SAMSN1: variants seen among roughly 807,000 people sequenced by gnomAD.
SAMSN1 encodes the protein SAM domain, SH3 domain and nuclear localization signals 1.
Under a neutral mutation model 42.0 loss-of-function variants are expected in SAMSN1, and 31 were observed. The observed-to-expected ratio is 0.74, with a 90% CI of 0.55 to 1.00. SAMSN1 has a LOEUF of 1.00. Among genes scored for constraint, SAMSN1 ranks in the 50% least tolerant of loss-of-function variants. SAMSN1 has a pLI of 0.00. For synonymous variants in SAMSN1, 178 were observed against 151.9 expected, an observed-to-expected ratio of 1.17 and a Z score of -1.26; for missense variants, 464 against 439.4, an observed-to-expected ratio of 1.06 and a Z score of -0.50.
chr21:14,593,388 C>T (rs1982150640), intron 7 of SAMSN1, among the ~76,000 whole-genome samples: 1 of 152,056 alleles, frequency 6.6e-6, no homozygotes, highest in South Asian at 2.1e-4. Flanking sequence ...TGCTATAATA[C>T]TTGTTGATGT....
intron 2 of SAMSN1, among the ~76,000 whole-genome samples, chr21:14,616,259 G>A (rs1381126645): frequency 5.3e-5 from 8 of 151,906 alleles, no homozygotes; most frequent in Admixed American, 3.9e-4. Context: ...GAGAAAGGTA[G>A]GATATTTCCT....
intron 6 of SAMSN1, among the ~76,000 whole-genome samples, chr21:14,599,860 T>C (rs1253149311): frequency 6.6e-6 from 1 of 152,202 alleles, no homozygotes; most frequent in African/African-American, 2.4e-5. Flanking sequence ...TATTTCTTTA[T>C]TTTGTTTTTA....
chr21:14,559,807 C>A (rs1980887635), intron 2 of SAMSN1, among the ~76,000 whole-genome samples: 1 of 152,080 alleles, frequency 6.6e-6, no homozygotes, highest in African/African-American at 2.4e-5. Flanking sequence ...AGCCTGGCCT[C>A]AAAATCCCTC....
At chr21:14,495,663 G>A (rs935486626) in intron 7 of SAMSN1, 1 of 152,040 alleles carries the variant, frequency 6.6e-6, no homozygotes, top group Non-Finnish European at 1.5e-5. Context: ...AAAGTTTTAT[G>A]CAGGGGAATA....
chr21:14,587,206 ATTC>A (rs1219357399), upstream of SAMSN1, among the ~76,000 whole-genome samples: 1 of 151,930 alleles, frequency 6.6e-6, no homozygotes, highest in Non-Finnish European at 1.5e-5. Context: ...CACTTTTTCT[ATTC>A]TTCTTTGATC....
chr21:14,643,271 GCTAA>G (rs1983638310), intron 1 of SAMSN1: 1 of 563,578 alleles, frequency 1.8e-6, no homozygotes, highest in African/African-American at 1.9e-5. Flanking sequence ...TTTACAGTAT[GCTAA>G]CTTTCAACAG....
intron 1 of SAMSN1, among the ~76,000 whole-genome samples, chr21:14,527,200 T>C (rs1031754878): frequency 6.6e-6 from 1 of 152,214 alleles, no homozygotes. Context: ...CATCCTTATA[T>C]GAATATTCTA....
At chr21:14,611,340 G>A (rs1346857183) in intron 4 of SAMSN1, among the ~76,000 whole-genome samples, 2 of 152,114 alleles carry the variant, frequency 1.3e-5, no homozygotes, top group Non-Finnish European at 2.9e-5. Flanking sequence ...TGCACCAAAT[G>A]GAAAATTGGA....
At chr21:14,571,208 A>G (rs999851601) in intron 2 of SAMSN1, among the ~76,000 whole-genome samples, 3 of 152,228 alleles carry the variant, frequency 2.0e-5, no homozygotes, top group African/African-American at 7.2e-5. Flanking sequence ...AAGGTTCACA[A>G]TAATCTGTTT....
At position 14,536,570 on chromosome 21, in the gene SAMSN1, G is replaced by A. The variant is rs183069816; in HGVS notation, c.57+9635C>T. 3.3e-3 allele frequency among the ~76,000 whole-genome samples: 499 copies of A among 152,250 alleles called. 1 individual carries two copies. Among genetic ancestry groups the A allele is most frequent in the Middle Eastern group, 0.017 (5 of 294 alleles). ...ATTACAGATTCATATTCTGTAAAAC[G>A]GAAAAGCTAAAATGTATTAGTGCTT... On this transcript the variant is annotated intron_variant, in intron 1 of 7. Coordinates refer to ENST00000400566, the MANE Select transcript of SAMSN1 (RefSeq NM_022136.5).
At chr21:14,621,925 G>A (rs1318170445) in intron 2 of SAMSN1, among the ~76,000 whole-genome samples, 1 of 152,214 alleles carries the variant, frequency 6.6e-6, no homozygotes, top group African/African-American at 2.4e-5. Flanking sequence ...CTGAGATGAA[G>A]CTTCCAGAGG....
chr21:14,646,207 T>A (rs527591866), intron 1 of SAMSN1, among the ~76,000 whole-genome samples: 2 of 152,060 alleles, frequency 1.3e-5, no homozygotes, highest in African/African-American at 4.8e-5. Context: ...GAAGACTACC[T>A]CAAGGTATTT....
intron 7 of SAMSN1, among the ~76,000 whole-genome samples, chr21:14,491,237 A>G (rs1986670906): frequency 6.6e-6 from 1 of 151,906 alleles, no homozygotes; most frequent in African/African-American, 2.4e-5. Flanking sequence ...ACTTGAAGAG[A>G]GCAGGTGCAA....
intron 5 of SAMSN1, among the ~76,000 whole-genome samples, chr21:14,504,121 C>T (rs1987296879): frequency 6.6e-6 from 1 of 152,168 alleles, no homozygotes; most frequent in African/African-American, 2.4e-5. Flanking sequence ...CAGTCCTAGA[C>T]CTTCCCTCTG....
intron 2 of SAMSN1, among the ~76,000 whole-genome samples, chr21:14,622,957 G>A (rs910908955): frequency 2.6e-5 from 4 of 152,202 alleles, no homozygotes; most frequent in African/African-American, 9.7e-5. Context: ...GAGAGTGGGG[G>A]CCAATATTCA....
At chr21:14,512,419 C>T in intron 4 of SAMSN1, 25 bp downstream of exon 4, 1 of 1,611,884 alleles carries the variant, frequency 6.2e-7, no homozygotes. Flanking sequence ...CACCCAGGAT[C>T]TTGTCCCTGA....
intron 1 of SAMSN1, among the ~76,000 whole-genome samples, chr21:14,544,035 C>T (rs1344165402): frequency 6.6e-6 from 1 of 152,160 alleles, no homozygotes; most frequent in African/African-American, 2.4e-5. Context: ...GGGATTATCA[C>T]AGCATCCACC....
rs574183610 is a variant in SAMSN1 at position 14,556,549 on chromosome 21, C to T, written c.261+25587G>A. 6.5e-4 allele frequency among the ~76,000 whole-genome samples: 99 copies of T among 152,150 alleles called. 1 individual carries two copies. The highest frequency in any genetic ancestry group is 1.2e-3 in the Non-Finnish European group (82 of 68,006). On this transcript the variant is annotated intron_variant, in intron 2 of 8. Coordinates refer to the SAMSN1 transcript ENST00000285670. ...AGGCTGTTCCAATTAAATGGAATTC[C>T]ACCTTTTCTTTTTAACATAAAGGGT...
intron 6 of SAMSN1, among the ~76,000 whole-genome samples, chr21:14,595,346 C>A (rs905583813): frequency 6.6e-6 from 1 of 152,094 alleles, no homozygotes; most frequent in African/African-American, 2.4e-5. Flanking sequence ...GCCTTGCTCC[C>A]TTTTTGAAGC....
Sources: gnomAD v4.1 joint callset for allele counts (sites outside exome capture counted in the v4.1 genomes callset) on GRCh38, gnomAD v4.1.1 for gene constraint, MANE v1.5 for transcripts, NCBI Gene and HGNC (gene_info 2026-07-23, HGNC 2026-07-21) for gene names.